FHIT: variants seen among roughly 807,000 people sequenced by gnomAD.
FHIT encodes the protein fragile histidine triad diadenosine triphosphatase.
In FHIT, 19 loss-of-function variants were observed where a neutral mutation model predicts 17.9. That is an observed-to-expected ratio of 1.06 (90% confidence interval 0.74 to 1.56). FHIT has a LOEUF of 1.56. Ranked by LOEUF, FHIT falls within the 40% of genes most tolerant of loss-of-function variation. The pLI is 0.00. For synonymous variants in FHIT, 81 were observed against 69.7 expected (o/e 1.16, Z -0.81); for missense variants, 248 against 189.2 (o/e 1.31, Z -1.82).
At chr3:59,980,548 T>C (rs551364410) in intron 7 of FHIT, among the ~76,000 whole-genome samples, 1 of 152,240 alleles carries the variant, frequency 6.6e-6, no homozygotes, top group South Asian at 2.1e-4. Flanking sequence ...AGAGAAGAGC[T>C]TCAAACTAGT....
chr3:59,988,527 C>A (rs182012927), intron 7 of FHIT, among the ~76,000 whole-genome samples: 1 of 151,934 alleles, frequency 6.6e-6, no homozygotes, highest in Non-Finnish European at 1.5e-5. Flanking sequence ...ATTCATTCAC[C>A]CATTCATTTA....
At chr3:61,215,332 T>C (rs895771657) in intron 1 of FHIT, among the ~76,000 whole-genome samples, 3 of 151,984 alleles carry the variant, frequency 2.0e-5, no homozygotes, top group Admixed American at 1.3e-4. Flanking sequence ...ACAAAATCAA[T>C]GTACAAAAAT....
At chr3:60,734,983 G>T (rs1553712203) in intron 4 of FHIT, among the ~76,000 whole-genome samples, 1 of 152,162 alleles carries the variant, frequency 6.6e-6, no homozygotes, top group East Asian at 1.9e-4. Context: ...AAAGCAATTA[G>T]GAACAACTCA....
In FHIT at chr3:59,764,863, A is replaced by AACAC. The variant is rs57549363; in HGVS notation, c.349-12546_349-12543dup. Among the ~76,000 whole-genome samples, 123 of 145,780 alleles carry AACAC rather than the reference A, an allele frequency of 8.4e-4. 1 individual carries two copies. The highest frequency in any genetic ancestry group is 3.1e-3 in the African/African-American group (118 of 38,050). On this transcript the variant is annotated intron_variant, in intron 8 of 9. Coordinates refer to ENST00000492590, the MANE Select transcript of FHIT (RefSeq NM_002012.4). Reference sequence around the variant, plus strand: ...GCAACAGAGATGTAAGGCAACTGCAAACACACACACACACACACACACACA... The same window carrying AACAC: ...GCAACAGAGATGTAAGGCAACTGCAAACACACACACACACACACACACACACACA...
intron 4 of FHIT, among the ~76,000 whole-genome samples, chr3:60,733,373 C>T (rs2107992852): frequency 6.6e-6 from 1 of 152,308 alleles, no homozygotes; most frequent in South Asian, 2.1e-4. Context: ...TTTTATTGTT[C>T]CAATATATTT....
chr3:60,182,936 GA>G (rs1398401633), intron 5 of FHIT, among the ~76,000 whole-genome samples: 2 of 148,676 alleles, frequency 1.3e-5, no homozygotes, highest in African/African-American at 2.5e-5. Context: ...AGAAAAAAAA[GA>G]AAAAACAATG....
chr3:61,177,479 T>G (rs552299869), intron 2 of FHIT, among the ~76,000 whole-genome samples: 1 of 152,334 alleles, frequency 6.6e-6, no homozygotes, highest in East Asian at 1.9e-4. Context: ...AAAGTTACTT[T>G]AAATGTATAT....
intron 5 of FHIT, among the ~76,000 whole-genome samples, chr3:60,522,871 G>A (rs2035425777): frequency 6.6e-6 from 1 of 152,076 alleles, no homozygotes. Context: ...GTTTTTGTTG[G>A]TTTTCAGGCT....
At chr3:59,857,724 T>G (rs2106827042) in intron 8 of FHIT, among the ~76,000 whole-genome samples, 1 of 150,472 alleles carries the variant, frequency 6.6e-6, no homozygotes, top group East Asian at 2.0e-4. Context: ...TTTTTTTTTG[T>G]ATCCTAAGGG....
rs185043196 is a variant in FHIT, at chr3:60,112,074, G to A, written c.104-97922C>T. On this transcript the variant is annotated intron_variant, in intron 5 of 9. Transcript: ENST00000492590. ...AGTGGCTCAGTGAAGCTAAGTATGG[G>A]ATTATTTCTCTTTGCTCATGAAAGC... Among the ~76,000 whole-genome samples the A allele has an allele frequency of 2.7e-3, 413 of 152,310 alleles. 2 individuals are homozygous for A. Among genetic ancestry groups the A allele is most frequent in the Non-Finnish European group, 4.8e-3 (327 of 68,024 alleles).
At chr3:60,114,488 CCTT>C (rs1251763985) in intron 5 of FHIT, among the ~76,000 whole-genome samples, 16 of 59,486 alleles carry the variant, frequency 2.7e-4, no homozygotes, top group Non-Finnish European at 4.1e-4. Flanking sequence ...CAAGAGAAAT[CCTT>C]TTTTTTTTTT....
intron 8 of FHIT, among the ~76,000 whole-genome samples, chr3:59,887,109 A>G (rs910312725): frequency 6.6e-6 from 1 of 152,158 alleles, no homozygotes; most frequent in African/African-American, 2.4e-5. Flanking sequence ...AAGAAAAGCA[A>G]TTGTGCAGGG....
chr3:60,300,990 C>T (rs1257063870), intron 5 of FHIT, among the ~76,000 whole-genome samples: 1 of 152,056 alleles, frequency 6.6e-6, no homozygotes, highest in Middle Eastern at 3.4e-3. Flanking sequence ...GCAGCTAGAT[C>T]ATCTTTCAAG....
chr3:59,851,567 T>C (rs1575589039), intron 8 of FHIT, among the ~76,000 whole-genome samples: 1 of 152,202 alleles, frequency 6.6e-6, no homozygotes, highest in African/African-American at 2.4e-5. Context: ...CAATTATCAC[T>C]TGATACACAC....
chr3:60,270,173 C>T (rs146579565), intron 5 of FHIT, among the ~76,000 whole-genome samples: 3,540 of 152,190 alleles, frequency 0.023, 66 homozygotes, highest in Middle Eastern at 0.082. Context: ...GACCAGGCCA[C>T]GCAGGCGCAT....
chr3:60,724,549 A>G (rs922569550), intron 4 of FHIT, among the ~76,000 whole-genome samples: 1 of 152,024 alleles, frequency 6.6e-6, no homozygotes, highest in African/African-American at 2.4e-5. Flanking sequence ...ACATTTTCAA[A>G]CTGTTTTCCA....
chr3:60,178,979 A>G (rs1701803602), intron 5 of FHIT, among the ~76,000 whole-genome samples: 1 of 152,140 alleles, frequency 6.6e-6, no homozygotes, highest in Non-Finnish European at 1.5e-5. Context: ...GCCCTATAAA[A>G]TATACTTCAA....
At chr3:60,401,983 C>T (rs576477953) in intron 5 of FHIT, among the ~76,000 whole-genome samples, 1 of 152,192 alleles carries the variant, frequency 6.6e-6, no homozygotes, top group South Asian at 2.1e-4. Flanking sequence ...TGATGGCAGC[C>T]TTTAAAATGG....
chr3:60,225,498 A>G (rs986343851), intron 5 of FHIT, among the ~76,000 whole-genome samples: 7 of 152,214 alleles, frequency 4.6e-5, no homozygotes, highest in African/African-American at 1.7e-4. Flanking sequence ...TCTGGGTATT[A>G]GGGATGGGAG....
Sources: gnomAD v4.1 joint callset for allele counts (sites outside exome capture counted in the v4.1 genomes callset) on GRCh38, gnomAD v4.1.1 for gene constraint, MANE v1.5 for transcripts, NCBI Gene and HGNC (gene_info 2026-07-23, HGNC 2026-07-21) for gene names.